The following GRIA1 variants were observed in gnomAD, a reference collection of about 807,000 sequenced individuals.
The protein encoded by GRIA1 is glutamate ionotropic receptor AMPA type subunit 1.
Under a neutral mutation model 99.2 loss-of-function variants are expected in GRIA1, and 31 were observed. The ratio of observed to expected loss-of-function variants is 0.31; its 90% CI spans 0.23 to 0.42. The LOEUF (loss-of-function observed/expected upper bound fraction) is 0.42. Among genes scored for constraint, GRIA1 ranks in the 10% least tolerant of loss-of-function variants. The probability of loss-of-function intolerance (pLI) is 1.00; values close to 1 mark genes in which losing one functional copy is unlikely to be tolerated. For missense variants in GRIA1, 782 were observed against 1,157.5 expected, an observed-to-expected ratio of 0.68 and a Z score of 4.71; for synonymous variants, 438 against 432.4, an observed-to-expected ratio of 1.01 and a Z score of -0.16.
intron 5 of GRIA1, among the ~76,000 whole-genome samples, chr5:153,666,529 G>A (rs181146409): frequency 1.3e-4 from 20 of 152,254 alleles, no homozygotes; most frequent in African/African-American, 4.8e-4. Context: ...GAATAGATTG[G>A]CCTCACTAGT....
chr5:153,709,046 T>C (rs1222746134), intron 11 of GRIA1, among the ~76,000 whole-genome samples: 2 of 152,238 alleles, frequency 1.3e-5, no homozygotes, highest in African/African-American at 4.8e-5. Context: ...AGACATATAC[T>C]TCATCTTACC....
At chr5:153,617,900 C>T (rs1283027439) in intron 2 of GRIA1, among the ~76,000 whole-genome samples, 2 of 152,214 alleles carry the variant, frequency 1.3e-5, no homozygotes, top group African/African-American at 4.8e-5. Flanking sequence ...ACCTTCAAAA[C>T]TCACATGTAC....
intron 2 of GRIA1, among the ~76,000 whole-genome samples, chr5:153,556,287 A>G (rs1351170386): frequency 1.8e-5 from 2 of 112,934 alleles, no homozygotes; most frequent in African/African-American, 5.5e-5. Context: ...TCATTTAGTT[A>G]TGGCCAAGAA....
intron 2 of GRIA1, among the ~76,000 whole-genome samples, chr5:153,497,128 C>T (rs894107196): frequency 1.3e-5 from 2 of 152,080 alleles, no homozygotes; most frequent in Admixed American, 6.6e-5. Context: ...GTGCCTTCTT[C>T]GTGTTCAATC....
chr5:153,647,215 A>G, intron 3 of GRIA1, 48 bp downstream of exon 3: 1 of 1,595,460 alleles, frequency 6.3e-7, no homozygotes, highest in Non-Finnish European at 8.6e-7. Flanking sequence ...TGGAGAGAAA[A>G]TTACCAGCAG....
chr5:153,745,794 C>G (rs1454984862), intron 11 of GRIA1, among the ~76,000 whole-genome samples: 1 of 152,070 alleles, frequency 6.6e-6, no homozygotes, highest in Non-Finnish European at 1.5e-5. Context: ...CTTATCTCTG[C>G]CAAGGTTGAG....
In GRIA1 at chr5:153,493,504, C is replaced by A. The variant is rs149376337; in HGVS notation, c.83-424C>A. On this transcript the variant is annotated intron_variant, in intron 1 of 15. Transcript: ENST00000285900. The stretch of plus-strand genomic sequence containing the variant: ...GCAGCACTGATTAGTACCTACTTCC[C>A]GTAAGGCTCTCTGGTGAGAGATGAG... Among the ~76,000 whole-genome samples, 17 of 152,142 alleles carry A rather than the reference C, an allele frequency of 1.1e-4. No homozygotes were observed. In the East Asian group the frequency reaches 2.9e-3, roughly 26 times the overall value.
intron 2 of GRIA1, among the ~76,000 whole-genome samples, chr5:153,594,497 A>C (rs1172410506): frequency 6.6e-6 from 1 of 151,214 alleles, no homozygotes; most frequent in Non-Finnish European, 1.5e-5. Context: ...TTTTTCCTTC[A>C]TTATAGCATT....
chr5:153,725,180 T>C (rs1341856781), intron 11 of GRIA1, among the ~76,000 whole-genome samples: 1 of 151,700 alleles, frequency 6.6e-6, no homozygotes, highest in African/African-American at 2.4e-5. Flanking sequence ...TAAAATACTT[T>C]ACAGACAAGC....
In GRIA1 at chr5:153,490,985, A is replaced by G; in HGVS notation, c.82+15A>G. On this transcript the variant is annotated intron_variant, in intron 1 of 15. Transcript: ENST00000285900. ...TATCCAGATCGGTGAGTGAGGGGGC[A>G]GCCTGGGGAGGGACTTTCTGGGTCT... 6.2e-7 allele frequency: 1 copy of G among 1,611,356 alleles called. No homozygotes were observed. The highest frequency in any genetic ancestry group is 8.5e-7 in the Non-Finnish European group (1 of 1,177,500).
intron 14 of GRIA1, among the ~76,000 whole-genome samples, chr5:153,797,066 C>T (rs918103038): frequency 6.6e-6 from 1 of 152,180 alleles, no homozygotes; most frequent in Admixed American, 6.5e-5. Context: ...AAAGAGACCC[C>T]AGGAGGGCAA....
chr5:153,808,732 G>A (rs550914689), intron 15 of GRIA1, among the ~76,000 whole-genome samples: 58 of 152,200 alleles, frequency 3.8e-4, no homozygotes, highest in Non-Finnish European at 7.2e-4. Flanking sequence ...CCACTGCAAA[G>A]TTTGGGCTCC....
intron 2 of GRIA1, among the ~76,000 whole-genome samples, chr5:153,612,921 G>GAAA (rs1040189362): frequency 1.1e-4 from 16 of 141,674 alleles, no homozygotes; most frequent in African/African-American, 4.1e-4. Context: ...CACTCAGCTG[G>GAAA]AAAAAAAAAA....
chr5:153,593,166 C>G (rs1764124501), intron 2 of GRIA1, among the ~76,000 whole-genome samples: 1 of 152,182 alleles, frequency 6.6e-6, no homozygotes, highest in South Asian at 2.1e-4. Flanking sequence ...ACTCGGGAGG[C>G]TGAGGCATGA....
intron 2 of GRIA1, among the ~76,000 whole-genome samples, chr5:153,574,698 A>G (rs986472626): frequency 8.5e-5 from 13 of 152,170 alleles, no homozygotes; most frequent in African/African-American, 3.1e-4. Context: ...GCTGTAGTAA[A>G]TAAAATTTTT....
intron 5 of GRIA1, among the ~76,000 whole-genome samples, chr5:153,660,710 G>A (rs1013566480): frequency 1.3e-5 from 2 of 152,168 alleles, no homozygotes; most frequent in African/African-American, 2.4e-5. Context: ...TGGCACTGAA[G>A]CATTCACTTG....
At chr5:153,678,919 AG>A (rs1756781433) in intron 7 of GRIA1, among the ~76,000 whole-genome samples, 1 of 152,190 alleles carries the variant, frequency 6.6e-6, no homozygotes, top group African/African-American at 2.4e-5. Context: ...ATGAAAATGA[AG>A]GGGGTGGAGA....
intron 13 of GRIA1, among the ~76,000 whole-genome samples, chr5:153,773,469 A>C (rs929438089): frequency 6.6e-6 from 1 of 152,194 alleles, no homozygotes; most frequent in Non-Finnish European, 1.5e-5. Flanking sequence ...GCAACCACTC[A>C]CCACTCTGAA....
intron 11 of GRIA1, among the ~76,000 whole-genome samples, chr5:153,763,953 T>C (rs1344506323): frequency 6.6e-6 from 1 of 152,250 alleles, no homozygotes; most frequent in Non-Finnish European, 1.5e-5. Flanking sequence ...TCCACTATTT[T>C]GGTGGCCTTT....
Sources: allele counts gnomAD v4.1 joint callset (sites outside exome capture counted in the v4.1 genomes callset), GRCh38; gene constraint gnomAD v4.1.1; transcripts MANE v1.5; gene names NCBI Gene and HGNC (gene_info 2026-07-23, HGNC 2026-07-21).